Variants in DAB2IP observed in about 807,000 individuals in gnomAD.
DAB2IP encodes disabled homolog 2-interacting protein.
In DAB2IP, 28 loss-of-function variants were observed where a neutral mutation model predicts 107.2. That is an observed-to-expected ratio of 0.26 (90% CI 0.19 to 0.36). The LOEUF (loss-of-function observed/expected upper bound fraction) is 0.36. DAB2IP is among the 10% of genes least tolerant of loss of function. DAB2IP has a pLI of 1.00. For synonymous variants in DAB2IP, 755 were observed against 706.4 expected, an observed-to-expected ratio of 1.07 and a Z score of -1.09; for missense variants, 1,400 against 1,644.7, an observed-to-expected ratio of 0.85 and a Z score of 2.57.
rs1186695577 is a variant in DAB2IP, at chr9:121,599,216, T to A, written c.40+31988T>A. Among the ~76,000 whole-genome samples, 2 of 152,074 alleles carry A rather than the reference T, an allele frequency of 1.3e-5. No homozygotes were observed. Among genetic ancestry groups the A allele is most frequent in the African/African-American group, 4.8e-5 (2 of 41,428 alleles). ...CCCACTCCTCGGTCCCGTACCCTCATAGCGCCGAAACGGAAGCAGAGGTTA... is the reference window on the plus strand; with the variant it reads ...CCCACTCCTCGGTCCCGTACCCTCAAAGCGCCGAAACGGAAGCAGAGGTTA... On this transcript the variant is annotated intron_variant, in intron 1 of 16. Transcript: ENST00000259371. The surrounding 1 kb of genome is among the most constrained non-coding windows in gnomAD (Gnocchi z 6.9).
At chr9:121,763,356 G>A in intron 6 of DAB2IP, 149 bp from the exon 7 acceptor site, 3 of 1,169,184 alleles carry the variant, frequency 2.6e-6, no homozygotes, top group Non-Finnish European at 3.5e-6. Context: ...GCCCCCAAAG[G>A]TGGGCACACT....
At chr9:121,718,227 C>T (rs1830713856) in intron 3 of DAB2IP, among the ~76,000 whole-genome samples, 1 of 152,182 alleles carries the variant, frequency 6.6e-6, no homozygotes, top group Admixed American at 6.5e-5. Context: ...TGCCTTCTCC[C>T]AGCTCCCTCA....
intron 1 of DAB2IP, among the ~76,000 whole-genome samples, chr9:121,602,445 G>A (rs1050321167): frequency 6.6e-5 from 10 of 152,296 alleles, no homozygotes; most frequent in African/African-American, 2.2e-4. Context: ...CCAGGCTGGA[G>A]TGTAGTGGTA....
At chr9:121,781,349 GA>G in intron 14 of DAB2IP, 114 bp from the exon 15 acceptor site, 1 of 995,724 alleles carries the variant, frequency 1.0e-6, no homozygotes, top group Non-Finnish European at 1.5e-6. Flanking sequence ...CTGACCCAAG[GA>G]GGGGCTCTCC....
chr9:121,580,627 CT>C lies in DAB2IP; in HGVS notation c.40+13412del, dbSNP rs893587911. Among the ~76,000 whole-genome samples the C allele has an allele frequency of 5.6e-3, 818 of 146,336 alleles. 3 individuals are homozygous for C. The highest frequency in any genetic ancestry group is 0.018 in the Middle Eastern group (5 of 280). ...AACTACAGAGTAGCCCATCTAAGAA[CT>C]TTTTTTTTTTTTCTGAGATGGAGTC... On this transcript the variant is annotated intron_variant, in intron 1 of 16. Transcript: ENST00000259371.
intron 1 of DAB2IP, among the ~76,000 whole-genome samples, chr9:121,592,136 G>A (rs775053291): frequency 4.6e-4 from 70 of 152,192 alleles, no homozygotes; most frequent in Non-Finnish European, 1.0e-4. Flanking sequence ...GGGAGGCCGA[G>A]GTAGGCAGAT....
At chr9:121,758,575 T>C (rs1422175792) in intron 4 of DAB2IP, among the ~76,000 whole-genome samples, 1 of 152,114 alleles carries the variant, frequency 6.6e-6, no homozygotes, top group Non-Finnish European at 1.5e-5. Context: ...CATTCCCTCT[T>C]CCCATCTCAG....
chr9:121,591,556 A>G (rs1830423008), intron 1 of DAB2IP, among the ~76,000 whole-genome samples: 1 of 152,210 alleles, frequency 6.6e-6, no homozygotes, highest in Admixed American at 6.5e-5. Context: ...GCAACAAGAA[A>G]CCATTGAAGC....
exon 13 of DAB2IP, chr9:121,774,384 G>A (rs1230950627): frequency 6.2e-7 from 1 of 1,612,510 alleles, no homozygotes. Flanking sequence ...AGGCTAAGGA[G>A]TAAGGACGAG....
At chr9:121,611,797 G>C (rs1381081733) in intron 1 of DAB2IP, among the ~76,000 whole-genome samples, 6 of 151,510 alleles carry the variant, frequency 4.0e-5, no homozygotes, top group Non-Finnish European at 4.4e-5. Flanking sequence ...GTTTGCCAGG[G>C]TGGTCTCAAA....
chr9:121,707,248 C>G (rs1416727339), intron 3 of DAB2IP, among the ~76,000 whole-genome samples: 1 of 143,010 alleles, frequency 7.0e-6, no homozygotes, highest in Non-Finnish European at 1.5e-5. Flanking sequence ...GAGGGATGGA[C>G]TGACTGGTGG....
intron 1 of DAB2IP, among the ~76,000 whole-genome samples, chr9:121,603,002 C>T (rs1176994751): frequency 6.6e-6 from 1 of 152,170 alleles, no homozygotes; most frequent in Non-Finnish European, 1.5e-5. Flanking sequence ...GCCACTGTAC[C>T]CAGCCTCTGC....
chr9:121,651,833 C>T lies in DAB2IP; in HGVS notation c.58C>T (p.Leu20=), dbSNP rs1157072171. The change falls in exon 1 of 16, where the codon CTG becomes TTG. Residue 20 remains leucine, a synonymous_variant. Transcript: ENST00000408936. The surrounding 1 kb of genome is among the most constrained non-coding windows in gnomAD (Gnocchi z 5.1). ...CGGGAGGTCCTCCTACTACTACCGG[C>T]TGCTGAGGCGGCCCCGGCTGCAGCG... is the stretch of plus-strand genomic sequence containing the variant. 1.4e-6 allele frequency: 2 copies of T among 1,473,788 alleles called. No individual in the cohort carries two copies. The highest frequency in any genetic ancestry group is 2.8e-5 in the East Asian group (1 of 35,782). The allele number at this position is 1,473,788 out of a possible 1,614,324, so 91.3% of individuals were successfully genotyped here.
At chr9:121,686,986 T>C (rs1421182053) in intron 2 of DAB2IP, among the ~76,000 whole-genome samples, 1 of 151,950 alleles carries the variant, frequency 6.6e-6, no homozygotes, top group Admixed American at 6.6e-5. Context: ...AGAGACCAAG[T>C]TCTTAGGTGG....
intron 8 of DAB2IP, among the ~76,000 whole-genome samples, chr9:121,765,452 A>C (rs1337406330): frequency 6.6e-6 from 1 of 152,192 alleles, no homozygotes; most frequent in African/African-American, 2.4e-5. Flanking sequence ...GCCAGCATGC[A>C]TTGCAGGAGA....
Position 121,730,180 on chromosome 9 carries a change from C to T in DAB2IP, c.363-26833C>T, listed in dbSNP as rs192331844. On this transcript the variant is annotated intron_variant, in intron 3 of 15. Transcript: ENST00000408936. The stretch of plus-strand genomic sequence containing the variant: ...GAAACTTTTCACAGGCCTAATGACT[C>T]AAAAATAAGCAACAGTAAGCCTGAA... Among the ~76,000 whole-genome samples, 895 of 152,310 alleles carry T rather than the reference C, an allele frequency of 5.9e-3. 11 individuals are homozygous for T. Among genetic ancestry groups the T allele is most frequent in the African/African-American group, 0.021 (855 of 41,566 alleles).
intron 1 of DAB2IP, among the ~76,000 whole-genome samples, chr9:121,580,513 A>C (rs760841490): frequency 6.6e-6 from 1 of 152,176 alleles, no homozygotes; most frequent in Non-Finnish European, 1.5e-5. Flanking sequence ...ATCTCTAAAA[A>C]CAAAGCCAAA....
intron 3 of DAB2IP, among the ~76,000 whole-genome samples, chr9:121,711,937 C>T (rs1830355922): frequency 6.6e-6 from 1 of 152,238 alleles, no homozygotes; most frequent in Non-Finnish European, 1.5e-5. Context: ...TCTAGACTCC[C>T]TCTGCAGAAG....
In DAB2IP at chr9:121,770,565, G is replaced by A. The variant is rs567035256; in HGVS notation, c.1919G>A (p.Gly640Glu). ...TTACAGAGCATAGTATCCAAACTGG[G>A]ACCCCTGCCTCGGATCCTGAGGGAC... Residue 640 changes from glycine (G) to glutamate (E), a missense_variant, in exon 11 of 16, where the codon GGA (glycine) becomes GAA (glutamate). Coordinates refer to ENST00000408936, the Ensembl canonical transcript of DAB2IP. 6 of 1,614,048 alleles carry A rather than the reference G, an allele frequency of 3.7e-6. No homozygotes were observed. The African/African-American group carries it at 8.0e-5, about 22-fold the overall frequency.
Sources: allele counts gnomAD v4.1 joint callset (sites outside exome capture counted in the v4.1 genomes callset), GRCh38; gene constraint gnomAD v4.1.1; non-coding constraint Gnocchi (gnomAD v3.1); transcripts MANE v1.5; gene names NCBI Gene and HGNC (gene_info 2026-07-23, HGNC 2026-07-21).